CSMD3: variants seen among roughly 807,000 people sequenced by gnomAD.
The protein encoded by CSMD3 is CUB and Sushi multiple domains 3.
Under a neutral mutation model 435.2 loss-of-function variants are expected in CSMD3, and 177 were observed. The ratio of observed to expected loss-of-function variants is 0.41; its 90% CI spans 0.36 to 0.46. The LOEUF is 0.46. CSMD3 is among the 20% of genes least tolerant of loss of function. CSMD3 has a pLI of 0.34. For missense variants in CSMD3, 4,265 were observed against 4,504.6 expected (o/e 0.95, Z 1.52); for synonymous variants, 1,656 against 1,520.5 (o/e 1.09, Z -2.07).
At chr8:113,103,552 A>G (rs970492920) in intron 4 of CSMD3, among the ~76,000 whole-genome samples, 1 of 152,090 alleles carries the variant, frequency 6.6e-6, no homozygotes, top group Admixed American at 6.6e-5. Context: ...TGGAATTTGG[A>G]TTTATTCCAA....
At chr8:113,020,797 T>C (rs899511165) in intron 5 of CSMD3, among the ~76,000 whole-genome samples, 1 of 152,174 alleles carries the variant, frequency 6.6e-6, no homozygotes, top group Non-Finnish European at 1.5e-5. Context: ...CTTTTGGCAA[T>C]TAGTCATGCT....
chr8:112,560,082 G>T (rs1019589301), intron 24 of CSMD3, among the ~76,000 whole-genome samples: 1 of 151,722 alleles, frequency 6.6e-6, no homozygotes, highest in Non-Finnish European at 1.5e-5. Context: ...GCTCACTTGT[G>T]TCAAATCACT....
chr8:113,014,342 A>G (rs2086370927), intron 6 of CSMD3, among the ~76,000 whole-genome samples: 1 of 152,052 alleles, frequency 6.6e-6, no homozygotes, highest in Non-Finnish European at 1.5e-5. Flanking sequence ...TCTGTAATAA[A>G]TCCCCTTCTG....
chr8:112,782,621 A>T (rs2078420175), intron 13 of CSMD3, among the ~76,000 whole-genome samples: 3 of 152,114 alleles, frequency 2.0e-5, no homozygotes, highest in Non-Finnish European at 4.4e-5. Context: ...TATTTAATCC[A>T]ATTAAGAATA....
At chr8:113,388,437 T>C (rs1401274242) in intron 1 of CSMD3, among the ~76,000 whole-genome samples, 3 of 151,704 alleles carry the variant, frequency 2.0e-5, no homozygotes, top group African/African-American at 7.2e-5. Flanking sequence ...AATTTGCTTT[T>C]TACCTTTGAC....
intron 1 of CSMD3, among the ~76,000 whole-genome samples, chr8:113,358,392 G>A (rs1199435727): frequency 6.6e-6 from 1 of 152,040 alleles, no homozygotes. Flanking sequence ...TTGCTCTGTT[G>A]CTCAGGCTGG....
At chr8:113,108,079 G>A (rs2090534478) in intron 4 of CSMD3, among the ~76,000 whole-genome samples, 1 of 152,014 alleles carries the variant, frequency 6.6e-6, no homozygotes, top group African/African-American at 2.4e-5. Context: ...ATGTTAAATG[G>A]AGCAAAAAGT....
chr8:112,809,458 A>G (rs1476902373), intron 12 of CSMD3, among the ~76,000 whole-genome samples: 1 of 152,216 alleles, frequency 6.6e-6, no homozygotes, highest in Non-Finnish European at 1.5e-5. Flanking sequence ...CTAGATAAGT[A>G]ATTTTGGCTC....
intron 22 of CSMD3, among the ~76,000 whole-genome samples, chr8:112,620,050 G>T (rs1833949962): frequency 6.6e-6 from 1 of 151,972 alleles, no homozygotes; most frequent in African/African-American, 2.4e-5. Context: ...GGTTGGGAGT[G>T]GGGGTATAGT....
At chr8:113,394,327 G>A (rs973931481) in intron 1 of CSMD3, among the ~76,000 whole-genome samples, 50 of 151,970 alleles carry the variant, frequency 3.3e-4, no homozygotes, top group African/African-American at 1.0e-3. Flanking sequence ...ATATTATATC[G>A]AATGTTTCTA....
intron 4 of CSMD3, among the ~76,000 whole-genome samples, chr8:113,128,148 T>C (rs1259077343): frequency 6.6e-6 from 1 of 152,126 alleles, no homozygotes; most frequent in African/African-American, 2.4e-5. Flanking sequence ...TTTGTAATTA[T>C]GTGTTGTTTT....
At chr8:112,726,670 G>T (rs577858130) in intron 13 of CSMD3, among the ~76,000 whole-genome samples, 4 of 151,882 alleles carry the variant, frequency 2.6e-5, no homozygotes, top group African/African-American at 9.6e-5. Flanking sequence ...CCAACCAACA[G>T]GATTTTAGCC....
At chr8:112,574,935 AATGTTCC>A (rs2131307273) in intron 23 of CSMD3, among the ~76,000 whole-genome samples, 1 of 152,044 alleles carries the variant, frequency 6.6e-6, no homozygotes, top group African/African-American at 2.4e-5. Flanking sequence ...CCATAGCATA[AATGTTCC>A]TCCATAATTA....
chr8:112,556,283 A>C (rs75840465), intron 25 of CSMD3, among the ~76,000 whole-genome samples: 5,926 of 151,982 alleles, frequency 0.039, 120 homozygotes, highest in African/African-American at 0.056. Flanking sequence ...CGAAAGCAAT[A>C]TATCTTATGT....
intron 18 of CSMD3, among the ~76,000 whole-genome samples, chr8:112,653,370 T>TAACATTTTCC (rs1444140317): frequency 6.6e-6 from 1 of 152,190 alleles, no homozygotes; most frequent in Non-Finnish European, 1.5e-5. Context: ...TTTAGATGTC[T>TAACATTTTCC]AACATTTTCC....
chr8:112,435,052 T>G (rs1048719884), intron 32 of CSMD3, among the ~76,000 whole-genome samples: 20 of 152,016 alleles, frequency 1.3e-4, no homozygotes, highest in Non-Finnish European at 2.4e-4. Context: ...GCAGCTACAC[T>G]CAGAGTTGGC....
intron 5 of CSMD3, among the ~76,000 whole-genome samples, chr8:113,044,866 G>A (rs756995972): frequency 5.4e-5 from 8 of 148,858 alleles, no homozygotes; most frequent in Non-Finnish European, 1.2e-4. Context: ...AATCTTGTCT[G>A]GAGAGTGTGA....
chr8:113,394,282 T>A (rs1243154575), intron 1 of CSMD3, among the ~76,000 whole-genome samples: 1 of 152,080 alleles, frequency 6.6e-6, no homozygotes. Flanking sequence ...CTCTAATATA[T>A]GTACATGCAC....
chr8:112,713,661 G>GA (rs2076659679), intron 13 of CSMD3, among the ~76,000 whole-genome samples: 1 of 152,056 alleles, frequency 6.6e-6, no homozygotes, highest in Non-Finnish European at 1.5e-5. Context: ...AAATGTTAAG[G>GA]ACAGCCAGAC....
Sources: allele counts gnomAD v4.1 joint callset (sites outside exome capture counted in the v4.1 genomes callset), GRCh38; gene constraint gnomAD v4.1.1; transcripts MANE v1.5; gene names NCBI Gene and HGNC (gene_info 2026-07-23, HGNC 2026-07-21).